BLTP3A: variants seen among roughly 807,000 people sequenced by gnomAD.
BLTP3A encodes the protein ICBP90 binding protein 1.
At chr6:34,836,745 A>G in the BLTP3A span, among the ~76,000 whole-genome samples, 1 of 152,238 alleles carries the variant, frequency 6.6e-6, no homozygotes, top group Non-Finnish European at 1.5e-5. Context: ...AAATTCAACT[A>G]TAGAAAACCT....
chr6:34,809,564 C>T, the BLTP3A span, among the ~76,000 whole-genome samples: 19 of 151,782 alleles, frequency 1.3e-4, no homozygotes, highest in African/African-American at 3.1e-4. Context: ...TTTTTTTGTT[C>T]GTTTGTTTGT....
chr6:34,876,022 A>G, the BLTP3A span: 8 of 152,616 alleles, frequency 5.2e-5, no homozygotes, highest in Middle Eastern at 3.2e-3. Context: ...AGCATTTACA[A>G]CTGTATTATC....
chr6:34,835,449 C>T, the BLTP3A span: 2,758 of 1,614,006 alleles, frequency 1.7e-3, 41 homozygotes, highest in African/African-American at 0.026. Flanking sequence ...AGAGCCTGGC[C>T]CCTGAACCTG....
the BLTP3A span, among the ~76,000 whole-genome samples, chr6:34,865,653 T>C: frequency 3.9e-5 from 6 of 152,214 alleles, no homozygotes; most frequent in Non-Finnish European, 7.3e-5. Flanking sequence ...ACCAACAGGG[T>C]GCTAGGGTTT....
the BLTP3A span, chr6:34,857,220 C>A: frequency 1.5e-6 from 2 of 1,330,738 alleles, no homozygotes; most frequent in South Asian, 1.4e-5. Flanking sequence ...CACTGTGTTC[C>A]CTGTGACAGA....
chr6:34,865,916 A>G, the BLTP3A span, among the ~76,000 whole-genome samples: 1 of 152,244 alleles, frequency 6.6e-6, no homozygotes, highest in East Asian at 1.9e-4. Flanking sequence ...TTTGAAATTA[A>G]GAACTCATGG....
chr6:34,847,680 C>G, the BLTP3A span, among the ~76,000 whole-genome samples: 12 of 149,958 alleles, frequency 8.0e-5, no homozygotes, highest in Non-Finnish European at 1.2e-4. Flanking sequence ...TGGGTCTTCT[C>G]TCTTTTTTCT....
At chr6:34,867,090 A>C in the BLTP3A span, 1 of 788,952 alleles carries the variant, frequency 1.3e-6, no homozygotes. Flanking sequence ...ATATCTAGTT[A>C]GTCCTCAAAT....
At chr6:34,871,133 G>T in the BLTP3A span, 2 of 1,602,214 alleles carry the variant, frequency 1.2e-6, no homozygotes, top group African/African-American at 2.7e-5. Flanking sequence ...GGAACCTTTG[G>T]TTTTTGCCAA....
At chr6:34,796,884 T>C in the BLTP3A span, among the ~76,000 whole-genome samples, 14 of 152,288 alleles carry the variant, frequency 9.2e-5, no homozygotes, top group African/African-American at 3.1e-4. Flanking sequence ...TTTGTATCTT[T>C]AGTAGAGATG....
the BLTP3A span, among the ~76,000 whole-genome samples, chr6:34,793,150 A>G: frequency 4.9e-4 from 74 of 152,270 alleles, no homozygotes; most frequent in South Asian, 0.01. Context: ...GTAATTTGGC[A>G]TGAGGAGGCT....
chr6:34,862,874 T>C, the BLTP3A span, among the ~76,000 whole-genome samples: 1,267 of 150,564 alleles, frequency 8.4e-3, 19 homozygotes, highest in African/African-American at 0.027. Flanking sequence ...CTGAGCCCTA[T>C]TTCTCATTCA....
the BLTP3A span, chr6:34,857,338 G>A: frequency 3.1e-5 from 50 of 1,612,272 alleles, no homozygotes; most frequent in Non-Finnish European, 3.9e-5. Flanking sequence ...GGTTTCCACC[G>A]CTGGACAGCC....
At chr6:34,859,617 AG>A in the BLTP3A span, 8 of 1,598,630 alleles carry the variant, frequency 5.0e-6, no homozygotes, top group Non-Finnish European at 6.8e-6. Flanking sequence ...TCCTTCTCCT[AG>A]TTCTGATCAT....
the BLTP3A span, chr6:34,875,311 G>A: frequency 6.6e-6 from 1 of 152,292 alleles, no homozygotes; most frequent in Admixed American, 6.5e-5. Context: ...CACTGGTCAA[G>A]TATGGCATCT....
the BLTP3A span, among the ~76,000 whole-genome samples, chr6:34,799,626 T>C: frequency 1.3e-5 from 2 of 152,252 alleles, no homozygotes; most frequent in Non-Finnish European, 2.9e-5. Context: ...AGCATGTCAA[T>C]GTAGCAGAAA....
the BLTP3A span, chr6:34,821,573 G>T: frequency 7.4e-7 from 1 of 1,351,454 alleles, no homozygotes; most frequent in Non-Finnish European, 1.0e-6. Flanking sequence ...CTTTTCTCTA[G>T]ATTCAGAAGT....
At chr6:34,857,461 G>A in the BLTP3A span, 1 of 1,613,918 alleles carries the variant, frequency 6.2e-7, no homozygotes, top group Non-Finnish European at 8.5e-7. Flanking sequence ...AGATAATCAG[G>A]AGCTTCCAGG....
At chr6:34,842,524 G>C in the BLTP3A span, among the ~76,000 whole-genome samples, 2 of 152,072 alleles carry the variant, frequency 1.3e-5, no homozygotes, top group East Asian at 3.8e-4. Context: ...GGGGATCTTA[G>C]ATATAACAAT....
Sources: allele counts gnomAD v4.1 joint callset (sites outside exome capture counted in the v4.1 genomes callset), GRCh38; gene constraint gnomAD v4.1.1; transcripts MANE v1.5; gene names NCBI Gene and HGNC (gene_info 2026-07-23, HGNC 2026-07-21).